The following ADAMTS2 variants were observed in gnomAD, a reference collection of about 807,000 sequenced individuals.
ADAMTS2 encodes the protein A disintegrin and metalloproteinase with thrombospondin motifs 2.
In ADAMTS2, 50 loss-of-function variants were observed where a neutral mutation model predicts 123.0. The ratio of observed to expected loss-of-function variants is 0.41; its 90% CI spans 0.32 to 0.51. ADAMTS2 has a LOEUF of 0.51. ADAMTS2 is among the 20% of genes least tolerant of loss of function. The pLI is 0.35. For missense variants in ADAMTS2, 1,494 were observed against 1,705.2 expected, an observed-to-expected ratio of 0.88 and a Z score of 2.18; for synonymous variants, 678 against 695.4, an observed-to-expected ratio of 0.98 and a Z score of 0.39.
rs551423762 is a variant in ADAMTS2 at position 179,262,212 on chromosome 5, C to T, written c.688+10699G>A. On this transcript the variant is annotated intron_variant, in intron 3 of 21. Transcript: ENST00000251582. This position sits in a 1 kb window ranked among gnomAD's most constrained non-coding sequence, Gnocchi z 5.9. The stretch of plus-strand genomic sequence containing the variant: ...ACCCCCACCAGCACACCTGCCCGGC[C>T]ACCCCCACCAGCACACCTGCCCGGC... 6.6e-6 allele frequency among the ~76,000 whole-genome samples: 1 copy of T among 152,252 alleles called. No individual in the cohort carries two copies. The highest frequency in any genetic ancestry group is 2.4e-5 in the African/African-American group (1 of 41,530).
intron 3 of ADAMTS2, among the ~76,000 whole-genome samples, chr5:179,216,150 G>C (rs552733793): frequency 6.6e-6 from 1 of 152,342 alleles, no homozygotes; most frequent in African/African-American, 2.4e-5. Context: ...ACATGGCCTG[G>C]GAGGCCCATG....
chr5:179,189,028 C>A lies in ADAMTS2; in HGVS notation c.892-7873G>T, dbSNP rs1482057985. 6.6e-6 allele frequency among the ~76,000 whole-genome samples: 1 copy of A among 152,198 alleles called. No homozygotes were observed. Among genetic ancestry groups the A allele is most frequent in the African/African-American group, 2.4e-5 (1 of 41,448 alleles). On this transcript the variant is annotated intron_variant, in intron 4 of 21. Coordinates refer to ENST00000251582, the MANE Select transcript of ADAMTS2 (RefSeq NM_014244.5). The surrounding 1 kb of genome is among the most constrained non-coding windows in gnomAD (Gnocchi z 4.2). ...ATATTCCCACTCTGAGGTCAGATTT[C>A]ATGGGTGCCAGCATGGGCTCTGCCA...
rs1378422730 is a variant in ADAMTS2, at chr5:179,112,111, T to C, written c.*1756A>G. ...GATCATACACACAGAGCCACCCACATGTGCAGCCTCAGACAAACATACTTA... is the reference window on the plus strand; with the variant it reads ...GATCATACACACAGAGCCACCCACACGTGCAGCCTCAGACAAACATACTTA... On this transcript the variant is annotated 3_prime_UTR_variant, in exon 22 of 22. Transcript: ENST00000251582. 6.6e-6 allele frequency: 1 copy of C among 152,268 alleles called. No individual in the cohort carries two copies. The highest frequency in any genetic ancestry group is 1.5e-5 in the Non-Finnish European group (1 of 68,060). 9.4% of individuals were successfully genotyped at this position (152,268 alleles called of 1,614,324 possible). A position where few individuals can be genotyped will look rare whatever the true frequency, so the allele number is the denominator to read the frequency against.
intron 2 of ADAMTS2, among the ~76,000 whole-genome samples, chr5:179,281,634 A>G (rs1766913332): frequency 6.6e-6 from 1 of 152,188 alleles, no homozygotes; most frequent in Admixed American, 6.5e-5. Flanking sequence ...CCTATGCATA[A>G]TGCTGCTATG....
At chr5:179,223,235 CAT>C (rs1765168388) in intron 3 of ADAMTS2, among the ~76,000 whole-genome samples, 1 of 152,122 alleles carries the variant, frequency 6.6e-6, no homozygotes, top group Admixed American at 6.5e-5. Flanking sequence ...CACACACACA[CAT>C]GCACGCAGTC....
At position 179,162,036 on chromosome 5, in the gene ADAMTS2, C is replaced by T. The variant is rs532943807; in HGVS notation, c.976-3157G>A. Reference sequence around the variant, plus strand: ...CACAGCTCGGTAGCCTTGCTGGGCTCCAGGGAAAGGGGCCTTGCTTCCTCC... The same window carrying T: ...CACAGCTCGGTAGCCTTGCTGGGCTTCAGGGAAAGGGGCCTTGCTTCCTCC... On this transcript the variant is annotated intron_variant, in intron 5 of 21. Transcript: ENST00000251582. The surrounding 1 kb of genome is among the most constrained non-coding windows in gnomAD (Gnocchi z 5.1). 6.6e-6 allele frequency among the ~76,000 whole-genome samples: 1 copy of T among 152,158 alleles called. No individual in the cohort carries two copies. Among genetic ancestry groups the T allele is most frequent in the Admixed American group, 6.5e-5 (1 of 15,302 alleles).
intron 3 of ADAMTS2, among the ~76,000 whole-genome samples, chr5:179,270,206 C>A (rs1189925908): frequency 1.3e-5 from 2 of 152,144 alleles, no homozygotes; most frequent in Admixed American, 1.3e-4. Context: ...CTCCATGAGT[C>A]CCCGAGATCA....
Position 179,115,664 on chromosome 5 carries a change from AG to A in ADAMTS2, c.3179-1341del, listed in dbSNP as rs900839564. On this transcript the variant is annotated intron_variant, in intron 21 of 21. Coordinates refer to ENST00000251582, the MANE Select transcript of ADAMTS2 (RefSeq NM_014244.5). This position sits in a 1 kb window ranked among gnomAD's most constrained non-coding sequence, Gnocchi z 4.4. ...GGAAAGAAAGGAAAAAAGGAAAGGG[AG>A]GGAGGGACAAAAGGAAGAAAGGGAG... 2.4e-4 allele frequency among the ~76,000 whole-genome samples: 37 copies of A among 152,142 alleles called. No individual in the cohort carries two copies. The highest frequency in any genetic ancestry group is 8.7e-4 in the African/African-American group (36 of 41,506).
intron 5 of ADAMTS2, among the ~76,000 whole-genome samples, chr5:179,166,678 C>T (rs1009138431): frequency 3.3e-5 from 5 of 152,218 alleles, no homozygotes; most frequent in Admixed American, 2.6e-4. Context: ...CGCCGGGTCC[C>T]TCCTCCTGCG....
At chr5:179,265,780 A>C (rs1220040316) in intron 3 of ADAMTS2, among the ~76,000 whole-genome samples, 3 of 152,202 alleles carry the variant, frequency 2.0e-5, no homozygotes, top group Non-Finnish European at 4.4e-5. Flanking sequence ...CGAGGACAGG[A>C]GCGCCGCGGC....
intron 2 of ADAMTS2, among the ~76,000 whole-genome samples, chr5:179,287,145 C>A (rs1756043768): frequency 6.6e-6 from 1 of 152,138 alleles, no homozygotes; most frequent in Non-Finnish European, 1.5e-5. Flanking sequence ...GCTGGGCGGG[C>A]TGTTCCTTGG....
intron 4 of ADAMTS2, among the ~76,000 whole-genome samples, chr5:179,196,547 C>T (rs1398839522): frequency 1.3e-5 from 2 of 152,208 alleles, no homozygotes; most frequent in East Asian, 3.8e-4. Flanking sequence ...AAAAGAATCC[C>T]CGAAGTAGCC....
At chr5:179,133,804 C>T (rs984903821) in intron 13 of ADAMTS2, among the ~76,000 whole-genome samples, 10 of 151,390 alleles carry the variant, frequency 6.6e-5, no homozygotes, top group Non-Finnish European at 1.5e-4. Context: ...CTGCAGCCTC[C>T]GCCTCCCAGG....
rs1765350142 is a variant in ADAMTS2 at position 179,228,980 on chromosome 5, G to GC, written c.689-21266dup. On this transcript the variant is annotated intron_variant, in intron 3 of 21. Transcript: ENST00000251582. The surrounding 1 kb of genome is among the most constrained non-coding windows in gnomAD (Gnocchi z 5.2). The stretch of plus-strand genomic sequence containing the variant: ...TTGAGAGGTGACAGCCAGCACGTGA[G>GC]CAAGTGCCCTGGGTTCTGGTCCCAG... Among the ~76,000 whole-genome samples the GC allele has an allele frequency of 1.3e-5, 2 of 152,318 alleles. No individual in the cohort carries two copies. The highest frequency in any genetic ancestry group is 4.1e-4 in the South Asian group (2 of 4,826).
In ADAMTS2 at chr5:179,337,994, G is replaced by A. The variant is rs114617045; in HGVS notation, c.534+5773C>T. 4.7e-3 allele frequency among the ~76,000 whole-genome samples: 712 copies of A among 152,250 alleles called. 6 individuals carry two copies. The highest frequency in any genetic ancestry group is 0.016 in the African/African-American group (676 of 41,520). On this transcript the variant is annotated intron_variant, in intron 2 of 21. Transcript: ENST00000251582. ...GCCTGCATTCACTCAGGCATGACTC[G>A]CTAAGCACTGGAGACATGGGGGACA...
At chr5:179,271,081 CT>C (rs1164268577) in intron 3 of ADAMTS2, among the ~76,000 whole-genome samples, 2 of 152,202 alleles carry the variant, frequency 1.3e-5, no homozygotes, top group African/African-American at 4.8e-5. Flanking sequence ...GGTTTCTGGG[CT>C]TATTCTGAGA....
chr5:179,181,432 G>A lies in ADAMTS2; in HGVS notation c.892-277C>T, dbSNP rs925622425. Among the ~76,000 whole-genome samples, 4 of 152,126 alleles carry A rather than the reference G, an allele frequency of 2.6e-5. No individual in the cohort carries two copies. The highest frequency in any genetic ancestry group is 2.1e-4 in the South Asian group (1 of 4,816). On this transcript the variant is annotated intron_variant, in intron 4 of 21. Coordinates refer to ENST00000251582, the MANE Select transcript of ADAMTS2 (RefSeq NM_014244.5). The surrounding 1 kb of genome is among the most constrained non-coding windows in gnomAD (Gnocchi z 4.1). Reference sequence around the variant, plus strand: ...CTCACCTGGGGCCTGAACATGGAACGTGGGCAGGGAAAGCAGCCCTACGCT... The same window carrying A: ...CTCACCTGGGGCCTGAACATGGAACATGGGCAGGGAAAGCAGCCCTACGCT...
rs527442088 is a variant in ADAMTS2, at chr5:179,150,328, A to T, written c.1629+1814T>A. Among the ~76,000 whole-genome samples, 50 of 152,328 alleles carry T rather than the reference A, an allele frequency of 3.3e-4. 1 individual carries two copies. In the South Asian group the frequency reaches 3.3e-3, roughly 10 times the overall value. Reference sequence around the variant, plus strand: ...GCTCCTTCTGCTGAGGGCCTGTGGGAAGGGGAATAGCTGGGTGGTTCTGGC... The same window carrying T: ...GCTCCTTCTGCTGAGGGCCTGTGGGTAGGGGAATAGCTGGGTGGTTCTGGC... On this transcript the variant is annotated intron_variant, in intron 10 of 21. Coordinates refer to ENST00000251582, the MANE Select transcript of ADAMTS2 (RefSeq NM_014244.5).
chr5:179,284,234 CAGG>C (rs1755934100), intron 2 of ADAMTS2, among the ~76,000 whole-genome samples: 1 of 150,106 alleles, frequency 6.7e-6, no homozygotes, highest in South Asian at 2.2e-4. Flanking sequence ...GAGGCTGAGG[CAGG>C]AGAATTGCTT....
Sources: gnomAD v4.1 joint callset for allele counts (sites outside exome capture counted in the v4.1 genomes callset) on GRCh38, gnomAD v4.1.1 for gene constraint, Gnocchi (gnomAD v3.1) non-coding constraint, MANE v1.5 for transcripts, NCBI Gene and HGNC (gene_info 2026-07-23, HGNC 2026-07-21) for gene names.